IGFLR1: variants seen among roughly 807,000 people sequenced by gnomAD.
IGFLR1 encodes IGF like family receptor 1, also known as IGF-like family receptor 1.
In IGFLR1, 17 loss-of-function variants were observed where a neutral mutation model predicts 23.4. The ratio of observed to expected loss-of-function variants is 0.73; its 90% CI spans 0.50 to 1.09. The LOEUF (loss-of-function observed/expected upper bound fraction) is 1.09. Among genes scored for constraint, IGFLR1 ranks in the 50% least tolerant of loss-of-function variants. The pLI, the probability that IGFLR1 is intolerant of heterozygous loss-of-function variation, is 0.00. For missense variants in IGFLR1, 556 were observed against 459.2 expected (o/e 1.21, Z -1.93); for synonymous variants, 265 against 210.7 (o/e 1.26, Z -2.23).
intron 3 of IGFLR1, 75 bp downstream of exon 3, chr19:35,740,305 G>A: frequency 7.0e-7 from 1 of 1,438,318 alleles, no homozygotes; most frequent in South Asian, 1.4e-5. Context: ...CCCTTACGTG[G>A]GGCTACGCCG....
At chr19:35,739,675 C>T in intron 4 of IGFLR1, 35 bp downstream of exon 4, 3 of 1,568,428 alleles carry the variant, frequency 1.9e-6, no homozygotes, top group Non-Finnish European at 2.6e-6. Context: ...GCGTCCAGTC[C>T]ACCTTCCCTG....
At position 35,739,525 on chromosome 19, in the gene IGFLR1, C is replaced by T. The variant is rs368482964; in HGVS notation, c.823G>A (p.Gly275Arg). ...VLLDPEPGPG[G>R]GMAHGTTRHL... ...CGAGTAGTGCCATGGGCCATACCCC[C>T]ACCTGGCCCAGGCTCAGGGTCCAGC... Residue 275 changes from glycine (G) to arginine (R), a missense_variant, in exon 5 of 5, where the codon GGG (glycine) becomes AGG (arginine). Coordinates refer to ENST00000246532, the MANE Select transcript of IGFLR1 (RefSeq NM_024660.4). 3.7e-6 allele frequency: 6 copies of T among 1,613,978 alleles called. No individual in the cohort carries two copies. The highest frequency in any genetic ancestry group is 1.3e-5 in the African/African-American group (1 of 74,950).
intron 3 of IGFLR1, 93 bp downstream of exon 3, chr19:35,740,287 G>A (rs1970136651): frequency 1.4e-6 from 2 of 1,391,282 alleles, no homozygotes; most frequent in East Asian, 5.0e-5. Context: ...CTGAAACCAC[G>A]GCCCCACCCC....
rs1190480547 is a variant in IGFLR1 at position 35,741,025 on chromosome 19, C to T, written c.156G>A (p.Pro52=). 3.1e-6 allele frequency: 5 copies of T among 1,611,482 alleles called. No homozygotes were observed. Among genetic ancestry groups the T allele is most frequent in the East Asian group, 2.2e-5 (1 of 44,864 alleles). The change falls in exon 2 of 5, where the codon CCG becomes CCA. Residue 52 remains proline (P), a splice_region_variant and synonymous_variant. Coordinates refer to ENST00000246532, the MANE Select transcript of IGFLR1 (RefSeq NM_024660.4). ...CLQRFGPPPC[P]DYEFRENCGL... Reference sequence around the variant, plus strand: ...CAAGGCTCGGTCTCGGATTCTCACCCGGGCAGGGGGGCGGCCCGAAGCGTT... The same window carrying T: ...CAAGGCTCGGTCTCGGATTCTCACCTGGGCAGGGGGGCGGCCCGAAGCGTT...
At position 35,739,699 on chromosome 19, in the gene IGFLR1, C is replaced by T. The variant is rs374573583; in HGVS notation, c.721+11G>A. The T allele has an allele frequency of 1.9e-6, 3 of 1,555,864 alleles. No individual in the cohort carries two copies. Among genetic ancestry groups the T allele is most frequent in the African/African-American group, 2.7e-5 (2 of 73,492 alleles). ...CCACCTTCCCTGCCCCGGGGCTCCT[C>T]CAGGACTAACCCCTGCTCAGGAGTG... On this transcript the variant is annotated intron_variant, in intron 4 of 4. Coordinates refer to ENST00000246532, the MANE Select transcript of IGFLR1 (RefSeq NM_024660.4).
chr19:35,739,655 G>T, intron 4 of IGFLR1, 29 bp from the exon 5 acceptor site: 1 of 1,584,900 alleles, frequency 6.3e-7, no homozygotes, highest in Non-Finnish European at 8.6e-7. Context: ...GTAAAGGTGC[G>T]GAAGAGCGGG....
chr19:35,740,093 G>A lies in IGFLR1; in HGVS notation c.343-5C>T. ...CCCCTTGGCAGGGACCGGCCTCTGG[G>A]GATAAGGGGTTGGAGTAAAGCTGGA... is the stretch of plus-strand genomic sequence containing the variant. On this transcript the variant is annotated splice_polypyrimidine_tract_variant and splice_region_variant and intron_variant, in intron 3 of 4. Coordinates refer to ENST00000246532, the MANE Select transcript of IGFLR1 (RefSeq NM_024660.4). The A allele has an allele frequency of 1.2e-6, 2 of 1,607,418 alleles. No individual in the cohort carries two copies. Among genetic ancestry groups the A allele is most frequent in the Middle Eastern group, 1.9e-4 (1 of 5,400 alleles).
rs1174469173 is a variant in IGFLR1, at chr19:35,739,465, A to T, written c.883T>A (p.Trp295Arg). 3.1e-6 allele frequency: 5 copies of T among 1,613,950 alleles called. No individual in the cohort carries two copies. Among genetic ancestry groups the T allele is most frequent in the South Asian group, 1.1e-5 (1 of 91,078 alleles). Reference protein sequence around the residue: ...LAARYGLPAAWSTFAYSLRPS... With the variant: ...LAARYGLPAARSTFAYSLRPS... ...CTCAGCGAATAGGCAAAGGTGGACC[A>T]GGCAGCAGGCAGCCCATATCTTGCG... Residue 295 changes from tryptophan to arginine, a missense_variant, in exon 5 of 5, where the codon TGG (tryptophan) becomes AGG (arginine). Physicochemically the swap from Trp to Arg is moderately radical, Grantham distance 101. Coordinates refer to ENST00000246532, the MANE Select transcript of IGFLR1 (RefSeq NM_024660.4).
intron 1 of IGFLR1, among the ~76,000 whole-genome samples, chr19:35,741,925 T>G (rs991406690): frequency 6.6e-6 from 1 of 152,084 alleles, no homozygotes; most frequent in Non-Finnish European, 1.5e-5. Flanking sequence ...CAGCCTGGCC[T>G]ACATGGTGAA....
rs1209393264 is a variant in IGFLR1 at position 35,739,843 on chromosome 19, G to A, written c.588C>T (p.Pro196=). ...HLCWPKEKAD[P]YPYPGLVCGV... ...CGCAGACCAAGCCAGGATAGGGATA[G>A]GGGTCGGCTTTCTCCTTGGGCCAGC... The change falls in exon 4 of 5, where the codon CCC becomes CCT. Residue 196 remains proline (P), a synonymous_variant. Coordinates refer to ENST00000246532, the MANE Select transcript of IGFLR1 (RefSeq NM_024660.4). The A allele has an allele frequency of 1.2e-6, 2 of 1,612,104 alleles. No homozygotes were observed. The highest frequency in any genetic ancestry group is 1.7e-6 in the Non-Finnish European group (2 of 1,178,502).
rs749739783 is a variant in IGFLR1 at position 35,739,457 on chromosome 19, G to C, written c.891C>G (p.Thr297=). 2.5e-6 allele frequency: 4 copies of C among 1,614,010 alleles called. No homozygotes were observed. Among genetic ancestry groups the C allele is most frequent in the Non-Finnish European group, 3.4e-6 (4 of 1,180,004 alleles). ...ARYGLPAAWS[T]FAYSLRPSRS... The stretch of plus-strand genomic sequence containing the variant: ...GACTCGGCCTCAGCGAATAGGCAAA[G>C]GTGGACCAGGCAGCAGGCAGCCCAT... Residue 297 remains threonine, a synonymous_variant, in exon 5 of 5, where the codon ACC becomes ACG. Transcript: ENST00000246532.
intron 1 of IGFLR1, among the ~76,000 whole-genome samples, chr19:35,741,967 C>A (rs1372358458): frequency 6.6e-6 from 1 of 152,176 alleles, no homozygotes; most frequent in South Asian, 2.1e-4. Flanking sequence ...CAAAATTAGC[C>A]GGGCGTGGTA....
At chr19:35,740,802 G>T (rs1000971736) in intron 2 of IGFLR1, 28 of 633,112 alleles carry the variant, frequency 4.4e-5, no homozygotes, top group Admixed American at 1.9e-4. Flanking sequence ...TTTCCACGCG[G>T]CCCCTATCCC....
rs994845375 is a variant in IGFLR1 at position 35,741,064 on chromosome 19, G to C, written c.117C>G (p.Cys39Trp). Residue 39 changes from cysteine (C) to tryptophan (W), a missense_variant, in exon 2 of 5, where the codon TGC becomes TGG. By Grantham distance (215) the Cys-to-Trp change is radical. Coordinates refer to ENST00000246532, the MANE Select transcript of IGFLR1 (RefSeq NM_024660.4). ...GCCCGAAGCGTTGCAGGCAGCTGCT[G>C]CAGCACTTGTTGTCTGGGTTCCAGT... ...LEYWNPDNKC[C>W]SSCLQRFGPP... is the part of the protein sequence containing the mutation. 2.5e-6 allele frequency: 4 copies of C among 1,607,954 alleles called. No individual in the cohort carries two copies. The African/African-American group carries it at 5.4e-5, about 22-fold the overall frequency.
chr19:35,741,445 C>T, intron 1 of IGFLR1: 8 of 512,240 alleles, frequency 1.6e-5, no homozygotes, highest in South Asian at 1.5e-4. Flanking sequence ...CCCACCCACC[C>T]TCCCTTTTCC....
intron 4 of IGFLR1, 29 bp downstream of exon 4, chr19:35,739,681 C>T (rs1221336554): frequency 3.8e-6 from 6 of 1,564,202 alleles, no homozygotes; most frequent in Non-Finnish European, 5.2e-6. Flanking sequence ...AGTCCACCTT[C>T]CCTGCCCCGG....
intron 2 of IGFLR1, 106 bp from the exon 3 acceptor site, chr19:35,740,670 TC>T: frequency 1.8e-6 from 2 of 1,103,412 alleles, no homozygotes; most frequent in Non-Finnish European, 2.6e-6. Context: ...CCAGGACGCT[TC>T]CAGCCTATTA....
intron 3 of IGFLR1, 45 bp downstream of exon 3, chr19:35,740,335 C>G (rs1210976604): frequency 4.0e-6 from 6 of 1,507,558 alleles, no homozygotes; most frequent in Non-Finnish European, 5.3e-6. Context: ...ATCTAGGCCC[C>G]CCACCTCCAG....
chr19:35,741,322 C>G, intron 1 of IGFLR1, 99 bp from the exon 2 acceptor site: 3 of 1,260,708 alleles, frequency 2.4e-6, no homozygotes, highest in Non-Finnish European at 3.3e-6. Flanking sequence ...ACCCCCGAGC[C>G]CTCATCCCCC....
Sources: gnomAD v4.1 joint callset for allele counts (sites outside exome capture counted in the v4.1 genomes callset) on GRCh38, gnomAD v4.1.1 for gene constraint, MANE v1.5 for transcripts, NCBI Gene and HGNC (gene_info 2026-07-23, HGNC 2026-07-21) for gene names.